Variants in ADCY2 observed in about 807,000 individuals in gnomAD.
ADCY2 encodes adenylate cyclase 2.
A neutral mutation model predicts 125.2 loss-of-function variants in ADCY2; 31 were observed. That is an observed-to-expected ratio of 0.25 (90% CI 0.19 to 0.33). ADCY2 has a LOEUF of 0.33. ADCY2 is among the 10% of genes least tolerant of loss of function. The pLI is 1.00. For synonymous variants in ADCY2, 512 were observed against 548.4 expected (o/e 0.93, Z 0.93); for missense variants, 904 against 1,418.2 (o/e 0.64, Z 5.82).
chr5:7,466,301 T>C (rs1477095127), intron 2 of ADCY2, among the ~76,000 whole-genome samples: 1 of 152,228 alleles, frequency 6.6e-6, no homozygotes, highest in East Asian at 1.9e-4. Context: ...TTTATTTTTA[T>C]TCATATAGTC....
chr5:7,408,033 T>C (rs1464334167), intron 1 of ADCY2, among the ~76,000 whole-genome samples: 2 of 151,624 alleles, frequency 1.3e-5, no homozygotes, highest in Admixed American at 1.3e-4. Context: ...CATACTCAAC[T>C]AATTTTTTGT....
intron 17 of ADCY2, 128 bp downstream of exon 17, chr5:7,766,934 G>C: frequency 5.7e-6 from 7 of 1,235,628 alleles, no homozygotes; most frequent in Non-Finnish European, 7.5e-6. Flanking sequence ...ATCCCTGAGT[G>C]GTTCTGAATT....
chr5:7,427,109 G>C (rs1485430656), intron 2 of ADCY2, among the ~76,000 whole-genome samples: 1 of 152,154 alleles, frequency 6.6e-6, no homozygotes, highest in African/African-American at 2.4e-5. Flanking sequence ...CTGGGAGAAT[G>C]CTTCTTGCAT....
chr5:7,573,141 T>C (rs1308574379), intron 3 of ADCY2, among the ~76,000 whole-genome samples: 5 of 152,174 alleles, frequency 3.3e-5, no homozygotes, highest in African/African-American at 9.7e-5. Flanking sequence ...ATTGTGGACT[T>C]CTAGCCTTGA....
chr5:7,432,870 T>C (rs897420501), intron 2 of ADCY2, among the ~76,000 whole-genome samples: 3 of 84,728 alleles, frequency 3.5e-5, no homozygotes, highest in Non-Finnish European at 7.7e-5. Flanking sequence ...TTTATGTATG[T>C]CAAAACTCAT....
At position 7,432,836 on chromosome 5, in the gene ADCY2, A is replaced by G. The variant is rs117752419; in HGVS notation, c.408+18066A>G. 2.3e-4 allele frequency among the ~76,000 whole-genome samples: 35 copies of G among 151,970 alleles called. 1 individual carries two copies. In the East Asian group the frequency reaches 6.0e-3, roughly 26 times the overall value. On this transcript the variant is annotated intron_variant, in intron 2 of 24. Coordinates refer to ENST00000338316, the MANE Select transcript of ADCY2 (RefSeq NM_020546.3). ...GGTGATGGCTGTGTTCTTTATCTCA[A>G]TTGTGGTGATAGTTTCACAGGTGTT...
At chr5:7,790,033 G>A (rs1744203565) in intron 20 of ADCY2, among the ~76,000 whole-genome samples, 2 of 152,184 alleles carry the variant, frequency 1.3e-5, no homozygotes, top group Admixed American at 1.3e-4. Context: ...GAGTCTGGAG[G>A]TGGATTCATT....
intron 2 of ADCY2, among the ~76,000 whole-genome samples, chr5:7,419,514 A>G (rs796130227): frequency 3.3e-5 from 5 of 152,182 alleles, no homozygotes; most frequent in African/African-American, 1.2e-4. Flanking sequence ...GGGCTCAATC[A>G]CGTCCTGCCT....
At chr5:7,443,053 T>C (rs558744524) in intron 2 of ADCY2, among the ~76,000 whole-genome samples, 1 of 152,268 alleles carries the variant, frequency 6.6e-6, no homozygotes, top group Non-Finnish European at 1.5e-5. Flanking sequence ...TAGTCTTTCT[T>C]AGCTTTTGGA....
chr5:7,685,435 G>A (rs1740487833), intron 4 of ADCY2, among the ~76,000 whole-genome samples: 1 of 152,226 alleles, frequency 6.6e-6, no homozygotes, highest in African/African-American at 2.4e-5. Flanking sequence ...CAGAGAAAGG[G>A]TGGAATCCCA....
chr5:7,618,337 T>C (rs1737834608), intron 3 of ADCY2, among the ~76,000 whole-genome samples: 1 of 152,216 alleles, frequency 6.6e-6, no homozygotes, highest in South Asian at 2.1e-4. Flanking sequence ...AAATTGACCT[T>C]CTATTGTGTA....
chr5:7,808,930 G>C (rs1744846242), intron 22 of ADCY2, among the ~76,000 whole-genome samples: 1 of 152,240 alleles, frequency 6.6e-6, no homozygotes, highest in Non-Finnish European at 1.5e-5. Context: ...TTTCAGGGTA[G>C]AGTTGAAAGA....
chr5:7,770,067 A>C (rs1351872671), intron 17 of ADCY2, among the ~76,000 whole-genome samples: 1 of 152,176 alleles, frequency 6.6e-6, no homozygotes, highest in Non-Finnish European at 1.5e-5. Context: ...CAGGTTCCCA[A>C]CCTACCTTTT....
intron 2 of ADCY2, among the ~76,000 whole-genome samples, chr5:7,519,586 TC>T (rs1279268140): frequency 1.3e-5 from 2 of 152,230 alleles, no homozygotes; most frequent in Admixed American, 6.5e-5. Context: ...ATGAAAATGA[TC>T]GTTTTTTATT....
At chr5:7,518,832 C>T (rs1267966475) in intron 2 of ADCY2, among the ~76,000 whole-genome samples, 2 of 152,142 alleles carry the variant, frequency 1.3e-5, no homozygotes, top group Non-Finnish European at 2.9e-5. Flanking sequence ...TCTCTCAGGA[C>T]GCAGACTGTG....
At chr5:7,688,051 CCAAA>C (rs66808623) in intron 4 of ADCY2, among the ~76,000 whole-genome samples, 104,670 of 151,250 alleles carry the variant, frequency 0.69, 37,042 homozygotes, top group East Asian at 0.98. Context: ...ACTGGGATTT[CCAAA>C]TAGATAGCCT....
At chr5:7,675,609 G>A (rs9885409) in intron 4 of ADCY2, among the ~76,000 whole-genome samples, 6,285 of 152,288 alleles carry the variant, frequency 0.041, 280 homozygotes, top group African/African-American at 0.11. Context: ...GTTCCATTGT[G>A]GATATTAATT....
intron 15 of ADCY2, among the ~76,000 whole-genome samples, chr5:7,755,736 T>C (rs968037681): frequency 3.3e-5 from 5 of 152,196 alleles, no homozygotes. Flanking sequence ...GGCTGATTCT[T>C]TAACCTTCTC....
In ADCY2 at chr5:7,820,233, C is replaced by T. The variant is rs146525455; in HGVS notation, c.2999-332C>T. 3.3e-4 allele frequency among the ~76,000 whole-genome samples: 50 copies of T among 152,272 alleles called. No homozygotes were observed. The Middle Eastern group carries it at 0.014, about 41-fold the overall frequency. On this transcript the variant is annotated intron_variant, in intron 23 of 24. Coordinates refer to ENST00000338316, the MANE Select transcript of ADCY2 (RefSeq NM_020546.3). Reference sequence around the variant, plus strand: ...TTTGGCCTGGCGCGGTGGCTCACTCCTGTAATCCCAGCACTTTGGGAGGCC... The same window carrying T: ...TTTGGCCTGGCGCGGTGGCTCACTCTTGTAATCCCAGCACTTTGGGAGGCC...
Sources: gnomAD v4.1 joint callset for allele counts (sites outside exome capture counted in the v4.1 genomes callset) on GRCh38, gnomAD v4.1.1 for gene constraint, MANE v1.5 for transcripts, NCBI Gene and HGNC (gene_info 2026-07-23, HGNC 2026-07-21) for gene names.